PAN3: variants seen among roughly 807,000 people sequenced by gnomAD.
PAN3 encodes poly(A) specific ribonuclease subunit PAN3.
Under a neutral mutation model 96.2 loss-of-function variants are expected in PAN3, and 19 were observed. The observed-to-expected ratio is 0.20, with a 90% CI of 0.14 to 0.29. The LOEUF is 0.29. Ranked by LOEUF, PAN3 falls within the 10% of genes least tolerant of loss-of-function variation. The probability of loss-of-function intolerance (pLI) is 1.00; values close to 1 mark genes in which losing one functional copy is unlikely to be tolerated. For synonymous variants in PAN3, 433 were observed against 406.6 expected (o/e 1.06, Z -0.78); for missense variants, 882 against 1,108.1 (o/e 0.80, Z 2.90).
chr13:28,266,777 A>G lies in PAN3; in HGVS notation c.1474A>G (p.Asn492Asp). 1 of 1,610,342 alleles carries G rather than the reference A, an allele frequency of 6.2e-7. No homozygotes were observed. The highest frequency in any genetic ancestry group is 8.5e-7 in the Non-Finnish European group (1 of 1,178,068). ...CCCTCTAGAACCACTGCCACCTCCC[A>G]ACCGGATACAGAAATCAAGTAATTT... ...LFPLEPLPPPNRIQKSSNFGY... is the reference protein window; with the variant it reads ...LFPLEPLPPPDRIQKSSNFGY... The change falls in exon 10 of 19, where the codon AAC becomes GAC. Residue 492 changes from asparagine (N) to aspartate (D), a missense_variant. By Grantham distance (23) the Asn-to-Asp change is conservative. Transcript: ENST00000380958.
chr13:28,254,556 T>TA (rs1884986689), intron 6 of PAN3, among the ~76,000 whole-genome samples: 1 of 152,346 alleles, frequency 6.6e-6, no homozygotes, highest in East Asian at 1.9e-4. Flanking sequence ...AGGGAGTTTT[T>TA]ATCCATTGAT....
At chr13:28,228,586 A>C (rs1456014896) in intron 6 of PAN3, among the ~76,000 whole-genome samples, 1 of 152,192 alleles carries the variant, frequency 6.6e-6, no homozygotes, top group Non-Finnish European at 1.5e-5. Flanking sequence ...GGTTGTCTAG[A>C]TTTTAGCATG....
At chr13:28,157,645 A>C (rs368741422) in intron 1 of PAN3, among the ~76,000 whole-genome samples, 2 of 152,328 alleles carry the variant, frequency 1.3e-5, no homozygotes, top group African/African-American at 4.8e-5. Context: ...GAATACAGCT[A>C]ACCAGGGAGG....
At chr13:28,260,732 C>G (rs1885643199) in intron 8 of PAN3, among the ~76,000 whole-genome samples, 181 bp downstream of exon 8, 1 of 151,904 alleles carries the variant, frequency 6.6e-6, no homozygotes, top group South Asian at 2.1e-4. Context: ...AAAAAAATTT[C>G]AAATAAATTA....
chr13:28,292,642 C>A lies in PAN3; in HGVS notation c.*120C>A. 1.1e-6 allele frequency: 1 copy of A among 944,686 alleles called. No homozygotes were observed. The highest frequency in any genetic ancestry group is 1.5e-6 in the Non-Finnish European group (1 of 671,292). The allele number at this position is 944,686 out of a possible 1,614,324, so 58.5% of individuals were successfully genotyped here. On this transcript the variant is annotated 3_prime_UTR_variant, in exon 19 of 19. Transcript: ENST00000380958. ...GGAAACGAACAGGAGATGAGCAAAG[C>A]TGCTTGCACTTCAGTCAGGTACACT...
chr13:28,247,257 C>A (rs868618223), intron 6 of PAN3, among the ~76,000 whole-genome samples: 7 of 152,034 alleles, frequency 4.6e-5, no homozygotes, highest in Middle Eastern at 3.4e-3. Context: ...ATTTTAAAAT[C>A]AGACTATTTG....
chr13:28,212,672 T>C (rs927472588), intron 5 of PAN3, among the ~76,000 whole-genome samples: 1 of 152,194 alleles, frequency 6.6e-6, no homozygotes, highest in African/African-American at 2.4e-5. Context: ...AATCAGACTT[T>C]GAAAGTTGAA....
chr13:28,198,561 ATAT>A (rs985492972), intron 5 of PAN3, among the ~76,000 whole-genome samples: 1 of 152,194 alleles, frequency 6.6e-6, no homozygotes, highest in Non-Finnish European at 1.5e-5. Flanking sequence ...TTTCTATATA[ATAT>A]TTTGAAGTAC....
In PAN3 at chr13:28,217,587, C is replaced by CAA. The variant is rs773189003; in HGVS notation, c.853-2635_853-2634dup. The stretch of plus-strand genomic sequence containing the variant: ...CAGAGTGAGATTCTGTCTCAAAAAA[C>CAA]AAAAAAAAAACAAAAAAAAAATTGT... On this transcript the variant is annotated intron_variant, in intron 5 of 18. Coordinates refer to ENST00000380958, the MANE Select transcript of PAN3 (RefSeq NM_175854.8). 6.7e-3 allele frequency among the ~76,000 whole-genome samples: 727 copies of CAA among 108,254 alleles called. 2 individuals carry two copies. Among genetic ancestry groups the CAA allele is most frequent in the African/African-American group, 0.017 (511 of 29,210 alleles). The allele number at this position is 108,254 out of a possible 152,430, so 71.0% of individuals were successfully genotyped here.
intron 1 of PAN3, among the ~76,000 whole-genome samples, chr13:28,164,898 T>A: frequency 6.6e-6 from 1 of 152,106 alleles, no homozygotes; most frequent in Non-Finnish European, 1.5e-5. Context: ...GGGTAACTGC[T>A]GACAGATGGA....
chr13:28,259,795 T>C (rs1593584375), intron 7 of PAN3, among the ~76,000 whole-genome samples: 2 of 151,974 alleles, frequency 1.3e-5, no homozygotes, highest in South Asian at 2.1e-4. Context: ...TGCGCCACCA[T>C]GCCCCACTAA....
chr13:28,187,199 C>T (rs1593433773), intron 4 of PAN3, among the ~76,000 whole-genome samples: 1 of 150,900 alleles, frequency 6.6e-6, no homozygotes, highest in African/African-American at 2.4e-5. Flanking sequence ...TGGTGGTGCA[C>T]GCCTGTAGTC....
chr13:28,215,628 G>A, intron 5 of PAN3: 1 of 1,170,644 alleles, frequency 8.5e-7, no homozygotes, highest in Non-Finnish European at 1.2e-6. Context: ...CAGGTTTGCT[G>A]AGCTGAAGGT....
chr13:28,162,406 C>T (rs186632331), intron 1 of PAN3, among the ~76,000 whole-genome samples: 7 of 152,076 alleles, frequency 4.6e-5, no homozygotes, highest in Non-Finnish European at 8.8e-5. Context: ...GGCAATCAGC[C>T]GGGTGCCGTG....
At chr13:28,201,913 A>C (rs928744163) in intron 5 of PAN3, among the ~76,000 whole-genome samples, 1 of 152,174 alleles carries the variant, frequency 6.6e-6, no homozygotes, top group Non-Finnish European at 1.5e-5. Context: ...AAAGTCTAGA[A>C]ATACGGTTTA....
chr13:28,269,932 A>T (rs1374775116), intron 12 of PAN3, among the ~76,000 whole-genome samples: 2 of 152,224 alleles, frequency 1.3e-5, no homozygotes, highest in Non-Finnish European at 2.9e-5. Flanking sequence ...TTACAACAAT[A>T]TGAATATAAG....
chr13:28,208,544 G>T (rs1243553737), intron 5 of PAN3, among the ~76,000 whole-genome samples: 5 of 152,004 alleles, frequency 3.3e-5, no homozygotes, highest in African/African-American at 1.2e-4. Context: ...TTTTTGGGGG[G>T]TATGTTTGAA....
chr13:28,238,693 G>A (rs142076201), intron 6 of PAN3, among the ~76,000 whole-genome samples: 179 of 152,174 alleles, frequency 1.2e-3, no homozygotes, highest in African/African-American at 4.1e-3. Context: ...CTTGAGTAAC[G>A]TTTGTAAACA....
intron 5 of PAN3, among the ~76,000 whole-genome samples, chr13:28,203,569 A>G (rs537685822): frequency 3.9e-5 from 6 of 152,126 alleles, no homozygotes; most frequent in East Asian, 3.9e-4. Context: ...TCAGCCTCCC[A>G]AAGTGCTGGG....
Sources: gnomAD v4.1 joint callset for allele counts (sites outside exome capture counted in the v4.1 genomes callset) on GRCh38, gnomAD v4.1.1 for gene constraint, MANE v1.5 for transcripts, NCBI Gene and HGNC (gene_info 2026-07-23, HGNC 2026-07-21) for gene names.